PID1: variants seen among roughly 807,000 people sequenced by gnomAD.
PID1 encodes PTB-containing, cubilin and LRP1-interacting protein.
PID1 carries 10 observed loss-of-function variants against 19.1 expected under a neutral mutation model. The observed-to-expected ratio is 0.52, with a 90% confidence interval of 0.32 to 0.89. The LOEUF (loss-of-function observed/expected upper bound fraction) is 0.89, where lower values mean the gene tolerates loss of function less well. Among genes scored for constraint, PID1 ranks in the 40% least tolerant of loss-of-function variants. The pLI, the probability that PID1 is intolerant of heterozygous loss-of-function variation, is 0.03. For missense variants in PID1, 248 were observed against 285.3 expected, an observed-to-expected ratio of 0.87 and a Z score of 0.94; for synonymous variants, 130 against 116.0, an observed-to-expected ratio of 1.12 and a Z score of -0.78.
At chr2:229,109,196 T>C (rs1054181829) in intron 2 of PID1, among the ~76,000 whole-genome samples, 1 of 152,198 alleles carries the variant, frequency 6.6e-6, no homozygotes. Flanking sequence ...GGTAATTTGG[T>C]AGCCGAATCA....
At chr2:229,264,978 T>C (rs1388895752) in intron 1 of PID1, among the ~76,000 whole-genome samples, 2 of 152,238 alleles carry the variant, frequency 1.3e-5, no homozygotes, top group Non-Finnish European at 2.9e-5. Context: ...CTTCTGTTTA[T>C]TGAGCACCTA....
intron 2 of PID1, among the ~76,000 whole-genome samples, chr2:229,091,849 T>C (rs1169275574): frequency 6.6e-6 from 1 of 152,190 alleles, no homozygotes; most frequent in Non-Finnish European, 1.5e-5. Context: ...CCAGAATATC[T>C]TTGGATTTTT....
At chr2:229,263,550 C>T (rs1174607913) in intron 1 of PID1, among the ~76,000 whole-genome samples, 1 of 152,176 alleles carries the variant, frequency 6.6e-6, no homozygotes, top group Non-Finnish European at 1.5e-5. Flanking sequence ...AACACCCACC[C>T]TCAGGCCAAG....
chr2:229,087,349 G>T (rs1260711731), intron 2 of PID1, among the ~76,000 whole-genome samples: 1 of 152,166 alleles, frequency 6.6e-6, no homozygotes, highest in African/African-American at 2.4e-5. Flanking sequence ...AAGAGTACTT[G>T]TGGGATTCCA....
chr2:229,115,135 C>A (rs564738235), intron 2 of PID1, among the ~76,000 whole-genome samples: 3 of 152,244 alleles, frequency 2.0e-5, no homozygotes, highest in African/African-American at 7.2e-5. Flanking sequence ...AGCAGCTACA[C>A]TCCTCACTGA....
At chr2:229,237,465 T>C (rs915978130) in intron 1 of PID1, among the ~76,000 whole-genome samples, 1 of 152,172 alleles carries the variant, frequency 6.6e-6, no homozygotes, top group Non-Finnish European at 1.5e-5. Context: ...GAGAACACTG[T>C]TTTGATGGAA....
chr2:229,038,563 T>G (rs1355220977), intron 2 of PID1, among the ~76,000 whole-genome samples: 1 of 152,232 alleles, frequency 6.6e-6, no homozygotes, highest in Non-Finnish European at 1.5e-5. Flanking sequence ...TATCAAAATG[T>G]ATCATATATT....
intron 2 of PID1, among the ~76,000 whole-genome samples, chr2:229,070,637 G>A (rs539507390): frequency 6.6e-6 from 1 of 152,148 alleles, no homozygotes; most frequent in Admixed American, 6.5e-5. Flanking sequence ...CTCATACCAA[G>A]AGGGCATGAA....
chr2:229,064,551 C>T (rs778951960), intron 2 of PID1, among the ~76,000 whole-genome samples: 7 of 152,090 alleles, frequency 4.6e-5, no homozygotes, highest in Non-Finnish European at 7.4e-5. Context: ...CTTTTGACTT[C>T]CTCAAAACAT....
At chr2:229,257,539 G>A (rs776091125) in intron 1 of PID1, among the ~76,000 whole-genome samples, 23 of 152,130 alleles carry the variant, frequency 1.5e-4, no homozygotes, top group Non-Finnish European at 3.1e-4. Flanking sequence ...AGGTTGACAG[G>A]GGATTCTCGG....
chr2:229,049,092 T>C (rs933924675), intron 2 of PID1, among the ~76,000 whole-genome samples: 5 of 152,192 alleles, frequency 3.3e-5, no homozygotes, highest in Non-Finnish European at 7.4e-5. Flanking sequence ...TTTTGATGTA[T>C]ATATTAAATT....
chr2:229,030,036 A>G (rs1442498606), intron 2 of PID1, among the ~76,000 whole-genome samples: 1 of 152,208 alleles, frequency 6.6e-6, no homozygotes, highest in Non-Finnish European at 1.5e-5. Context: ...AACAAAATAC[A>G]GTATATATGT....
chr2:229,144,655 T>C (rs1181982561), intron 2 of PID1, among the ~76,000 whole-genome samples: 1 of 152,034 alleles, frequency 6.6e-6, no homozygotes, highest in Non-Finnish European at 1.5e-5. Context: ...TAAATCTACA[T>C]CTACCAAAAC....
rs76000062 is a variant in PID1 at position 229,025,322 on chromosome 2, G to C, written c.*310C>G. On this transcript the variant is annotated 3_prime_UTR_variant, in exon 3 of 3. Coordinates refer to ENST00000392055, the MANE Select transcript of PID1 (RefSeq NM_001100818.2). The stretch of plus-strand genomic sequence containing the variant: ...ACAGCTGCAGAGTATTTGCCTGAGC[G>C]TGGTGAAAACTGGCATGGAGCTCTC... The C allele has an allele frequency of 5.1e-5, 17 of 332,386 alleles. No individual in the cohort carries two copies. Among genetic ancestry groups the C allele is most frequent in the Non-Finnish European group, 7.9e-5 (14 of 176,788 alleles). 20.6% of individuals were successfully genotyped at this position (332,386 alleles called of 1,614,324 possible). A position where few individuals can be genotyped will look rare whatever the true frequency, so the allele number is the denominator to read the frequency against.
At chr2:229,174,252 G>A (rs1690768881) in intron 1 of PID1, among the ~76,000 whole-genome samples, 2 of 152,122 alleles carry the variant, frequency 1.3e-5, no homozygotes. Context: ...GTAGGCCTGA[G>A]GGATAAAGAC....
chr2:229,029,638 G>C (rs764982917), intron 2 of PID1, among the ~76,000 whole-genome samples: 1 of 151,914 alleles, frequency 6.6e-6, no homozygotes, highest in African/African-American at 2.4e-5. Context: ...TCAGGAGTTC[G>C]AGACCAGCCT....
chr2:229,181,030 C>G (rs971492349), intron 1 of PID1, among the ~76,000 whole-genome samples: 3 of 152,252 alleles, frequency 2.0e-5, no homozygotes, highest in Non-Finnish European at 4.4e-5. Context: ...CCCCGCGGCT[C>G]ATTTTTCTTT....
At chr2:229,206,526 A>C (rs1443324659) in intron 1 of PID1, among the ~76,000 whole-genome samples, 1 of 152,210 alleles carries the variant, frequency 6.6e-6, no homozygotes. Context: ...TGATCAAAAC[A>C]CATTGGATAA....
chr2:229,206,015 C>T (rs1358633931), intron 1 of PID1, among the ~76,000 whole-genome samples: 2 of 152,052 alleles, frequency 1.3e-5, no homozygotes, highest in Non-Finnish European at 2.9e-5. Flanking sequence ...GGAGAATGAA[C>T]GGCTTACACA....
Sources: gnomAD v4.1 joint callset for allele counts (sites outside exome capture counted in the v4.1 genomes callset) on GRCh38, gnomAD v4.1.1 for gene constraint, MANE v1.5 for transcripts, NCBI Gene and HGNC (gene_info 2026-07-23, HGNC 2026-07-21) for gene names.